NETO1: variants seen among roughly 807,000 people sequenced by gnomAD.
NETO1 encodes neuropilin and tolloid like 1, also known as neuropilin and tolloid-like protein 1.
Under a neutral mutation model 61.3 loss-of-function variants are expected in NETO1, and 26 were observed. That is an observed-to-expected ratio of 0.42 (90% CI 0.31 to 0.59). The LOEUF (loss-of-function observed/expected upper bound fraction) is 0.59, where lower values mean the gene tolerates loss of function less well. NETO1 is among the 20% of genes least tolerant of loss of function. The pLI is 0.12. For missense variants in NETO1, 531 were observed against 662.8 expected (o/e 0.80, Z 2.18); for synonymous variants, 225 against 225.8 (o/e 1.00, Z 0.03).
intron 4 of NETO1, among the ~76,000 whole-genome samples, chr18:72,848,917 G>A (rs1035874413): frequency 1.3e-5 from 2 of 152,122 alleles, no homozygotes; most frequent in African/African-American, 4.8e-5. Flanking sequence ...TGTCTCCTGT[G>A]TATGTCCTCA....
chr18:72,755,593 G>C (rs2070756684), intron 8 of NETO1, among the ~76,000 whole-genome samples: 2 of 152,128 alleles, frequency 1.3e-5, no homozygotes, highest in South Asian at 4.1e-4. Context: ...CTGAAGTGGA[G>C]TGAAGTAGCT....
At chr18:72,828,366 A>G (rs888698106) in intron 4 of NETO1, among the ~76,000 whole-genome samples, 4 of 152,198 alleles carry the variant, frequency 2.6e-5, no homozygotes, top group African/African-American at 9.6e-5. Flanking sequence ...ATCATCATAC[A>G]TGAGAGCTAG....
chr18:72,781,343 T>C (rs969409560), intron 7 of NETO1, among the ~76,000 whole-genome samples: 8 of 152,172 alleles, frequency 5.3e-5, no homozygotes, highest in East Asian at 1.9e-4. Flanking sequence ...GAATGATTCA[T>C]TGAATTGGGT....
At chr18:72,822,578 C>T (rs2073235197) in intron 4 of NETO1, among the ~76,000 whole-genome samples, 1 of 152,184 alleles carries the variant, frequency 6.6e-6, no homozygotes, top group Non-Finnish European at 1.5e-5. Context: ...TTTAACTTTC[C>T]TACCGCCAAG....
intron 4 of NETO1, among the ~76,000 whole-genome samples, chr18:72,813,083 C>T (rs1053403342): frequency 6.6e-6 from 1 of 152,152 alleles, no homozygotes; most frequent in African/African-American, 2.4e-5. Flanking sequence ...CTTACGTGAG[C>T]TGAATGTGAG....
At chr18:72,789,456 C>CT (rs1184977398) in intron 6 of NETO1, among the ~76,000 whole-genome samples, 18 of 152,192 alleles carry the variant, frequency 1.2e-4, no homozygotes, top group African/African-American at 4.3e-4. Flanking sequence ...TTTATTCTTA[C>CT]TTTTTGGAGA....
intron 4 of NETO1, among the ~76,000 whole-genome samples, chr18:72,823,223 C>T (rs939348779): frequency 2.0e-5 from 3 of 152,132 alleles, no homozygotes; most frequent in Non-Finnish European, 4.4e-5. Flanking sequence ...AAATTGCTAA[C>T]CTCATGGCAT....
At chr18:72,780,002 A>T (rs1431186532) in intron 7 of NETO1, among the ~76,000 whole-genome samples, 1 of 152,058 alleles carries the variant, frequency 6.6e-6, no homozygotes, top group Admixed American at 6.5e-5. Flanking sequence ...TCATTAGAGG[A>T]CCAACACCTA....
intron 6 of NETO1, among the ~76,000 whole-genome samples, chr18:72,790,928 C>T (rs912820140): frequency 1.3e-5 from 2 of 152,124 alleles, no homozygotes; most frequent in Non-Finnish European, 2.9e-5. Context: ...GATTTGGTCT[C>T]CCATCATTTC....
rs1473435906 is a variant in NETO1 at position 72,836,162 on chromosome 18, G to C, written c.469+22664C>G. 2.0e-5 allele frequency among the ~76,000 whole-genome samples: 3 copies of C among 152,164 alleles called. No individual in the cohort carries two copies. The East Asian group carries it at 5.8e-4, about 29-fold the overall frequency. ...CCGCCTTCTTTTAGAGCCCAGACGT[G>C]CCCTGCTGCTTCTCACCTCTGAGCA... On this transcript the variant is annotated intron_variant, in intron 4 of 10. Transcript: ENST00000327305.
intron 7 of NETO1, among the ~76,000 whole-genome samples, chr18:72,763,583 C>CCA (rs1015195497): frequency 2.2e-5 from 3 of 138,790 alleles, no homozygotes; most frequent in Admixed American, 2.2e-4. Context: ...AACTCATACA[C>CCA]CACACACACA....
rs1378786744 is a variant in NETO1 at position 72,748,997 on chromosome 18, C to G, written c.*14+17G>C. ...AATACGACAAAGTAGGAAAAGGAAC[C>G]AAGGGCATCTGCTTACCTTGAATTT... On this transcript the variant is annotated intron_variant, in intron 10 of 10. Transcript: ENST00000327305. 6.5e-7 allele frequency: 1 copy of G among 1,549,254 alleles called. No homozygotes were observed. The highest frequency in any genetic ancestry group is 1.4e-5 in the African/African-American group (1 of 73,424).
At position 72,783,772 on chromosome 18, in the gene NETO1, G is replaced by A. The variant is rs1382931740; in HGVS notation, c.774C>T (p.Val258=). 6 of 1,614,184 alleles carry A rather than the reference G, an allele frequency of 3.7e-6. No homozygotes were observed. Among genetic ancestry groups the A allele is most frequent in the Non-Finnish European group, 5.1e-6 (6 of 1,180,044 alleles). The change falls in exon 7 of 11, where the codon GTC becomes GTT. Residue 258 remains valine, a synonymous_variant. Coordinates refer to ENST00000327305, the MANE Select transcript of NETO1 (RefSeq NM_138966.5). ...TCACCCCAAGACCCGTGCGTAGCATGACATCATTAGCCACAGTGCTACAGA... is the reference window on the plus strand; with the variant it reads ...TCACCCCAAGACCCGTGCGTAGCATAACATCATTAGCCACAGTGCTACAGA... The part of the protein sequence containing the change: ...AKFCSTVAND[V]MLRTGLGVIR...
intron 4 of NETO1, among the ~76,000 whole-genome samples, chr18:72,798,504 T>C (rs1243956765): frequency 1.3e-5 from 2 of 152,162 alleles, no homozygotes; most frequent in Non-Finnish European, 2.9e-5. Context: ...GGCTTTGTAG[T>C]GGCAAGTGAG....
chr18:72,778,499 G>T (rs771687926), intron 7 of NETO1, among the ~76,000 whole-genome samples: 3 of 151,926 alleles, frequency 2.0e-5, no homozygotes, highest in Admixed American at 6.6e-5. Context: ...CACTTTGCCC[G>T]GACATTTTCT....
At chr18:72,834,494 TAAG>T in intron 4 of NETO1, 3 of 973,114 alleles carry the variant, frequency 3.1e-6, no homozygotes, top group Non-Finnish European at 3.7e-6. Flanking sequence ...ATGTGACACT[TAAG>T]AAAGTTAATC....
At chr18:72,785,141 G>A (rs766789607) in intron 6 of NETO1, among the ~76,000 whole-genome samples, 1 of 152,068 alleles carries the variant, frequency 6.6e-6, no homozygotes, top group Non-Finnish European at 1.5e-5. Context: ...AATTTAACAT[G>A]GATATAAACT....
chr18:72,783,971 C>T, intron 6 of NETO1, 65 bp from the exon 7 acceptor site: 4 of 1,127,562 alleles, frequency 3.5e-6, no homozygotes, highest in Non-Finnish European at 5.2e-6. Flanking sequence ...TATCAGAACT[C>T]CTTTTCTCTT....
intron 4 of NETO1, among the ~76,000 whole-genome samples, chr18:72,820,194 T>C (rs539485730): frequency 5.4e-4 from 82 of 152,232 alleles, no homozygotes; most frequent in Non-Finnish European, 1.1e-3. Flanking sequence ...AATTTATATA[T>C]AGACAATGAG....
Sources: gnomAD v4.1 joint callset for allele counts (sites outside exome capture counted in the v4.1 genomes callset) on GRCh38, gnomAD v4.1.1 for gene constraint, MANE v1.5 for transcripts, NCBI Gene and HGNC (gene_info 2026-07-23, HGNC 2026-07-21) for gene names.